SYT5: variants seen among roughly 807,000 people sequenced by gnomAD.
SYT5 encodes synaptotagmin-5.
SYT5 carries 29 observed loss-of-function variants against 36.0 expected under a neutral mutation model. The observed-to-expected ratio is 0.81, with a 90% CI of 0.60 to 1.10. The LOEUF (loss-of-function observed/expected upper bound fraction) is 1.10. Among genes scored for constraint, SYT5 ranks in the 50% least tolerant of loss-of-function variants. SYT5 has a pLI of 0.00. For synonymous variants in SYT5, 231 were observed against 227.6 expected, an observed-to-expected ratio of 1.02 and a Z score of -0.14; for missense variants, 512 against 516.0, an observed-to-expected ratio of 0.99 and a Z score of 0.08.
rs1014526994 is a variant in SYT5 at position 55,175,163 on chromosome 19, C to G, written c.708+9G>C. The stretch of plus-strand genomic sequence containing the variant: ...GGGCGTGGCTCGGGGCGCGACCGCG[C>G]ATGCTCACCTCCTCCCGCGGAGCCG... On this transcript the variant is annotated intron_variant, in intron 6 of 8. Transcript: ENST00000354308. The surrounding 1 kb of genome is among the most constrained non-coding windows in gnomAD (Gnocchi z 4.5). The G allele has an allele frequency of 1.3e-6, 2 of 1,591,322 alleles. No homozygotes were observed. Among genetic ancestry groups the G allele is most frequent in the Non-Finnish European group, 1.7e-6 (2 of 1,171,998 alleles).
Position 55,179,253 on chromosome 19 carries a change from A to G in SYT5, c.-45-167T>C, listed in dbSNP as rs1221999632. 2 of 1,475,918 alleles carry G rather than the reference A, an allele frequency of 1.4e-6. No homozygotes were observed. The highest frequency in any genetic ancestry group is 1.8e-4 in the Middle Eastern group (1 of 5,706). 91.4% of individuals were successfully genotyped at this position (1,475,918 alleles called of 1,614,324 possible). ...TCCCCGCACTTGAGAGGGGGTGTCC[A>G]GGACCTAGTTCCATCCTAAAGGGAT... On this transcript the variant is annotated intron_variant, in intron 1 of 8. Transcript: ENST00000354308. This position sits in a 1 kb window ranked among gnomAD's most constrained non-coding sequence, Gnocchi z 4.5.
rs776050414 is a variant in SYT5 at position 55,173,581 on chromosome 19, C to T, written c.1064G>A (p.Arg355Gln). 1.9e-5 allele frequency: 28 copies of T among 1,475,996 alleles called. No homozygotes were observed. The South Asian group carries it at 3.6e-4, about 19-fold the overall frequency. The allele number at this position is 1,475,996 out of a possible 1,614,324, so 91.4% of individuals were successfully genotyped here. A position where few individuals can be genotyped will look rare whatever the true frequency, so the allele number is the denominator to read the frequency against. ...VGAAAGGAGL[R>Q]HWADMLANPR... ...GTTGGCCAGCATGTCCGCCCAGTGC[C>T]GCAGGCCAGCCCCGCCGGCGGCCGC... The change falls in exon 9 of 9, where the codon CGG (arginine) becomes CAG (glutamine). Residue 355 changes from arginine to glutamine, a missense_variant. Arg to Gln is a conservative substitution (Grantham distance 43). Coordinates refer to ENST00000354308, the MANE Select transcript of SYT5 (RefSeq NM_003180.3). The surrounding 1 kb of genome is among the most constrained non-coding windows in gnomAD (Gnocchi z 5.4).
chr19:55,177,407 C>T (rs1426616342), intron 3 of SYT5: 2 of 152,180 alleles, frequency 1.3e-5, no homozygotes, highest in Non-Finnish European at 2.9e-5. Flanking sequence ...TTAACTCTGT[C>T]CCTCAGGTCT....
chr19:55,178,294 G>C lies in SYT5; in HGVS notation c.154C>G (p.Arg52Gly), dbSNP rs761426547. The change falls in exon 3 of 9, where the codon CGG (arginine) becomes GGG (glycine). Residue 52 changes from arginine to glycine, a missense_variant. By Grantham distance (125) the Arg-to-Gly change is moderately radical. Coordinates refer to ENST00000354308, the MANE Select transcript of SYT5 (RefSeq NM_003180.3). ...LIFSCCFCLY[R>G]KSCRRRTGKK... ...CCTGTCCGCCTCCGACAGCTCTTCCGGTAGAGACAGAAACAGCAGCTGAAG... is the reference window on the plus strand; with the variant it reads ...CCTGTCCGCCTCCGACAGCTCTTCCCGTAGAGACAGAAACAGCAGCTGAAG... 1 of 1,611,846 alleles carries C rather than the reference G, an allele frequency of 6.2e-7. No homozygotes were observed. Among genetic ancestry groups the C allele is most frequent in the Non-Finnish European group, 8.5e-7 (1 of 1,179,322 alleles).
chr19:55,179,038 A>T lies in SYT5; in HGVS notation c.4T>A (p.Phe2Ile). 2 of 1,604,572 alleles carry T rather than the reference A, an allele frequency of 1.2e-6. No homozygotes were observed. Among genetic ancestry groups the T allele is most frequent in the Non-Finnish European group, 1.7e-6 (2 of 1,176,664 alleles). M[F>I]PEPPTPGPPS... ...GGCCCCGGGGTTGGGGGCTCCGGGA[A>T]CATGGTGGCGGGGTCCTGGAGTCTT... is the stretch of plus-strand genomic sequence containing the variant. Residue 2 changes from phenylalanine to isoleucine, a missense_variant, in exon 2 of 9, where the codon TTC (phenylalanine) becomes ATC (isoleucine). Physicochemically the swap from Phe to Ile is conservative, Grantham distance 21 (BLOSUM62 0). Coordinates refer to ENST00000354308, the MANE Select transcript of SYT5 (RefSeq NM_003180.3). This position sits in a 1 kb window ranked among gnomAD's most constrained non-coding sequence, Gnocchi z 4.5.
At chr19:55,177,460 C>T (rs929268349) in intron 3 of SYT5, 3 of 152,198 alleles carry the variant, frequency 2.0e-5, no homozygotes, top group Admixed American at 6.6e-5. Context: ...CTCTGTCTGA[C>T]CCTCTGTTTT....
Position 55,175,145 on chromosome 19 carries a change from G to A in SYT5, c.708+27C>T, listed in dbSNP as rs763093274. 6.3e-7 allele frequency: 1 copy of A among 1,577,570 alleles called. No individual in the cohort carries two copies. Among genetic ancestry groups the A allele is most frequent in the Admixed American group, 1.8e-5 (1 of 54,254 alleles). On this transcript the variant is annotated intron_variant, in intron 6 of 8. Transcript: ENST00000354308. The surrounding 1 kb of genome is among the most constrained non-coding windows in gnomAD (Gnocchi z 4.5). ...GGGCGGGACTGGGCCTGGGGGCGTG[G>A]CTCGGGGCGCGACCGCGCATGCTCA...
chr19:55,176,308 C>A, intron 3 of SYT5, 184 bp from the exon 4 acceptor site: 2 of 751,996 alleles, frequency 2.7e-6, no homozygotes, highest in Non-Finnish European at 4.2e-6. Flanking sequence ...AACACAGATG[C>A]AGTATGTTTG....
chr19:55,175,186 C>T lies in SYT5; in HGVS notation c.694G>A (p.Ala232Thr). Residue 232 changes from alanine to threonine, a missense_variant, in exon 6 of 9, where the codon GCT (alanine) becomes ACT (threonine). Transcript: ENST00000354308. The surrounding 1 kb of genome is among the most constrained non-coding windows in gnomAD (Gnocchi z 4.5). ...PVQAWRELQA[A>T]PREEQEKLGD... The stretch of plus-strand genomic sequence containing the variant: ...CGCATGCTCACCTCCTCCCGCGGAG[C>T]CGCCTGCAGCTCCCGCCAGGCCTGC... The T allele has an allele frequency of 6.2e-7, 1 of 1,602,906 alleles. No individual in the cohort carries two copies.
rs780341509 is a variant in SYT5, at chr19:55,174,555, C to T, written c.922G>A (p.Glu308Lys). 2.0e-5 allele frequency: 32 copies of T among 1,613,942 alleles called. 1 individual carries two copies. The South Asian group carries it at 2.7e-4, about 14-fold the overall frequency. ...KKNTLNPYYN[E>K]AFSFEVPCDQ... ...CAGGGCACCTCGAAGCTGAAAGCTT[C>T]GTTGTAATAGGGGTTCAGAGTGTTC... Residue 308 changes from glutamate (E) to lysine (K), a missense_variant, in exon 8 of 9, where the codon GAA becomes AAA. Physicochemically the swap from Glu to Lys is moderately conservative, Grantham distance 56 (BLOSUM62 1). Coordinates refer to ENST00000354308, the MANE Select transcript of SYT5 (RefSeq NM_003180.3).
rs1359376419 is a variant in SYT5, at chr19:55,175,401, A to T, written c.541-62T>A. On this transcript the variant is annotated intron_variant, in intron 5 of 8. Transcript: ENST00000354308. This position sits in a 1 kb window ranked among gnomAD's most constrained non-coding sequence, Gnocchi z 4.5. Reference sequence around the variant, plus strand: ...AGTCAGAGATAGGGTGAGGCACAGCACAACCAGAAGGAAGGCATGGAGTGA... The same window carrying T: ...AGTCAGAGATAGGGTGAGGCACAGCTCAACCAGAAGGAAGGCATGGAGTGA... The T allele has an allele frequency of 4.8e-6, 7 of 1,467,638 alleles. No individual in the cohort carries two copies. The highest frequency in any genetic ancestry group is 6.3e-6 in the Non-Finnish European group (7 of 1,110,316). The allele number at this position is 1,467,638 out of a possible 1,614,324, so 90.9% of individuals were successfully genotyped here.
intron 3 of SYT5, among the ~76,000 whole-genome samples, chr19:55,177,747 G>T (rs1009838337): frequency 3.3e-5 from 5 of 152,074 alleles, no homozygotes; most frequent in Non-Finnish European, 5.9e-5. Context: ...GTAGAGACAG[G>T]GTTTCATCAT....
rs763737292 is a variant in SYT5, at chr19:55,178,239, T to TG, written c.208dup (p.His70ProfsTer39). The TG allele has an allele frequency of 6.2e-7, 1 of 1,609,676 alleles. No individual in the cohort carries two copies. Among genetic ancestry groups the TG allele is most frequent in the African/African-American group, 1.3e-5 (1 of 75,006 alleles). On this transcript the variant is annotated frameshift_variant, in exon 3 of 9. Transcript: ENST00000354308. LOFTEE classifies it high-confidence loss of function. Reference sequence around the variant, plus strand: ...GCCCAGCCCCTTCACTTCCTGAAGGTGGACCTGGGCTTGGGCCTGGCTCTT... The same window carrying TG: ...GCCCAGCCCCTTCACTTCCTGAAGGTGGGACCTGGGCTTGGGCCTGGCTCTT...
In SYT5 at chr19:55,174,931, G is replaced by C. The variant is rs564726202; in HGVS notation, c.777C>G (p.Ile259Met). 51 of 1,614,136 alleles carry C rather than the reference G, an allele frequency of 3.2e-5. No individual in the cohort carries two copies. In the South Asian group the frequency reaches 4.9e-4, roughly 16 times the overall value. Residue 259 changes from isoleucine (I) to methionine (M), a missense_variant, in exon 7 of 9, where the codon ATC becomes ATG. Coordinates refer to ENST00000354308, the MANE Select transcript of SYT5 (RefSeq NM_003180.3). ...TCTTCAGGTTTTTAGCCTCCAGGACGATGACGGTGAGCTTCCCGGCCGTGG... is the reference window on the plus strand; with the variant it reads ...TCTTCAGGTTTTTAGCCTCCAGGACCATGACGGTGAGCTTCCCGGCCGTGG... ...YVPTAGKLTVIVLEAKNLKKM... is the reference protein window; with the variant it reads ...YVPTAGKLTVMVLEAKNLKKM...
rs990542247 is a variant in SYT5 at position 55,179,233 on chromosome 19, G to A, written c.-45-147C>T. 279 of 1,495,188 alleles carry A rather than the reference G, an allele frequency of 1.9e-4. No homozygotes were observed. The highest frequency in any genetic ancestry group is 2.2e-4 in the Non-Finnish European group (247 of 1,126,206). 92.6% of individuals were successfully genotyped at this position (1,495,188 alleles called of 1,614,324 possible). A position where few individuals can be genotyped will look rare whatever the true frequency, so the allele number is the denominator to read the frequency against. ...TGGGAGTTGTAGTATCAGCCTCCCCGCACTTGAGAGGGGGTGTCCAGGACC... is the reference window on the plus strand; with the variant it reads ...TGGGAGTTGTAGTATCAGCCTCCCCACACTTGAGAGGGGGTGTCCAGGACC... On this transcript the variant is annotated intron_variant, in intron 1 of 8. Coordinates refer to ENST00000354308, the MANE Select transcript of SYT5 (RefSeq NM_003180.3). The surrounding 1 kb of genome is among the most constrained non-coding windows in gnomAD (Gnocchi z 4.5).
chr19:55,173,810 T>C lies in SYT5; in HGVS notation c.961-126A>G. On this transcript the variant is annotated intron_variant, in intron 8 of 8. Transcript: ENST00000354308. This position sits in a 1 kb window ranked among gnomAD's most constrained non-coding sequence, Gnocchi z 5.4. The stretch of plus-strand genomic sequence containing the variant: ...ACCCGAGGGCTCGGGGCCCCGGAGC[T>C]CGGGACGGGGGAGGGGGTGGGAGAC... The C allele has an allele frequency of 2.0e-6, 2 of 993,234 alleles. No homozygotes were observed. Among genetic ancestry groups the C allele is most frequent in the Non-Finnish European group, 1.3e-6 (1 of 748,606 alleles). 61.5% of individuals were successfully genotyped at this position (993,234 alleles called of 1,614,324 possible).
rs929436312 is a variant in SYT5 at position 55,172,653 on chromosome 19, G to T, written c.*831C>A. 1 of 152,144 alleles carries T rather than the reference G, an allele frequency of 6.6e-6. No individual in the cohort carries two copies. The highest frequency in any genetic ancestry group is 1.5e-5 in the Non-Finnish European group (1 of 68,072). 9.4% of individuals were successfully genotyped at this position (152,144 alleles called of 1,614,324 possible). Reference sequence around the variant, plus strand: ...TGTTTTGATGGCAGTAAGTCGCTTGGGGGGTCAGGTCTGTGTTTGGATATT... The same window carrying T: ...TGTTTTGATGGCAGTAAGTCGCTTGTGGGGTCAGGTCTGTGTTTGGATATT... On this transcript the variant is annotated 3_prime_UTR_variant, in exon 9 of 9. Transcript: ENST00000354308.
At position 55,173,156 on chromosome 19, in the gene SYT5, A is replaced by G; in HGVS notation, c.*328T>C. The G allele has an allele frequency of 3.5e-6, 1 of 284,648 alleles. No homozygotes were observed. The highest frequency in any genetic ancestry group is 6.5e-6 in the Non-Finnish European group (1 of 152,796). 17.6% of individuals were successfully genotyped at this position (284,648 alleles called of 1,614,324 possible). A position where few individuals can be genotyped will look rare whatever the true frequency, so the allele number is the denominator to read the frequency against. On this transcript the variant is annotated 3_prime_UTR_variant, in exon 9 of 9. Transcript: ENST00000354308. This position sits in a 1 kb window ranked among gnomAD's most constrained non-coding sequence, Gnocchi z 5.4. ...GCAGTGCAGGGATGGGCTGTGTTGG[A>G]AGAGAGAGGAGAGCAGACGAGGATG...
At chr19:55,174,014 G>A in intron 8 of SYT5, 1 of 314,540 alleles carries the variant, frequency 3.2e-6, no homozygotes, top group East Asian at 5.1e-5. Flanking sequence ...GCCGGGCTAG[G>A]GTAGGCGCCG....
Sources: allele counts gnomAD v4.1 joint callset (sites outside exome capture counted in the v4.1 genomes callset), GRCh38; gene constraint gnomAD v4.1.1; non-coding constraint Gnocchi (gnomAD v3.1); transcripts MANE v1.5; gene names NCBI Gene and HGNC (gene_info 2026-07-23, HGNC 2026-07-21).